The following NCDN variants were observed in gnomAD, a reference collection of about 807,000 sequenced individuals.
The protein encoded by NCDN is norbin.
NCDN carries 9 observed loss-of-function variants against 60.7 expected under a neutral mutation model. The ratio of observed to expected loss-of-function variants is 0.15; its 90% confidence interval spans 0.09 to 0.26. The LOEUF is 0.26. NCDN is among the 10% of genes least tolerant of loss of function. The pLI is 1.00. For synonymous variants in NCDN, 409 were observed against 442.5 expected, an observed-to-expected ratio of 0.92 and a Z score of 0.95; for missense variants, 578 against 975.2, an observed-to-expected ratio of 0.59 and a Z score of 5.42.
In NCDN at chr1:35,565,255, G is replaced by C. The variant is rs1035520143; in HGVS notation, c.1782G>C (p.Gly594=). 1 of 1,612,140 alleles carries C rather than the reference G, an allele frequency of 6.2e-7. No individual in the cohort carries two copies. Among genetic ancestry groups the C allele is most frequent in the South Asian group, 1.1e-5 (1 of 90,940 alleles). Residue 594 remains glycine (G), a synonymous_variant, in exon 7 of 7, where the codon GGG becomes GGC. Coordinates refer to ENST00000373243, the MANE Select transcript of NCDN (RefSeq NM_014284.3). This position sits in a 1 kb window ranked among gnomAD's most constrained non-coding sequence, Gnocchi z 8.9. The part of the protein sequence containing the change: ...PALQGTPASR[G]FFAAAILFLS... ...TTCAGGGAACACCAGCATCCCGAGG[G>C]TTCTTCGCAGCTGCCATCCTCTTCC...
Position 35,561,151 on chromosome 1 carries a change from G to T in NCDN, c.1000G>T (p.Val334Leu), listed in dbSNP as rs781409276. 6.2e-7 allele frequency: 1 copy of T among 1,609,572 alleles called. No homozygotes were observed. The highest frequency in any genetic ancestry group is 1.1e-5 in the South Asian group (1 of 90,410). ...ETGTEVKEDV[V>L]TACYALMELG... ...GGGCACGGAGGTGAAAGAGGATGTGGTGACCGCCTGCTATGCCCTCATGGA... is the reference window on the plus strand; with the variant it reads ...GGGCACGGAGGTGAAAGAGGATGTGTTGACCGCCTGCTATGCCCTCATGGA... The change falls in exon 3 of 7, where the codon GTG (valine) becomes TTG (leucine). Residue 334 changes from valine to leucine, a missense_variant. Coordinates refer to ENST00000373243, the MANE Select transcript of NCDN (RefSeq NM_014284.3). The surrounding 1 kb of genome is among the most constrained non-coding windows in gnomAD (Gnocchi z 4.9).
At position 35,560,383 on chromosome 1, in the gene NCDN, G is replaced by A. The variant is rs750269785; in HGVS notation, c.232G>A (p.Asp78Asn). 2.2e-5 allele frequency: 35 copies of A among 1,614,042 alleles called. No homozygotes were observed. Among genetic ancestry groups the A allele is most frequent in the Non-Finnish European group, 2.9e-5 (34 of 1,180,042 alleles). ...TGCCAAAACTCGGCGGCGGATCTTC[G>A]ATGCTGTCGGCTTCACCTTCCCCAA... is the stretch of plus-strand genomic sequence containing the variant. Reference protein sequence around the residue: ...IDAKTRRRIFDAVGFTFPNRL... With the variant: ...IDAKTRRRIFNAVGFTFPNRL... The change falls in exon 3 of 7, where the codon GAT becomes AAT. Residue 78 changes from aspartate to asparagine, a missense_variant. By Grantham distance (23) the Asp-to-Asn change is conservative (BLOSUM62 1). Coordinates refer to ENST00000373243, the MANE Select transcript of NCDN (RefSeq NM_014284.3). This position sits in a 1 kb window ranked among gnomAD's most constrained non-coding sequence, Gnocchi z 7.6.
chr1:35,561,400 T>C lies in NCDN; in HGVS notation c.1143+106T>C. The C allele has an allele frequency of 7.0e-7, 1 of 1,432,666 alleles. No individual in the cohort carries two copies. Among genetic ancestry groups the C allele is most frequent in the Non-Finnish European group, 9.2e-7 (1 of 1,085,490 alleles). 88.7% of individuals were successfully genotyped at this position (1,432,666 alleles called of 1,614,324 possible). On this transcript the variant is annotated intron_variant, in intron 3 of 6. Coordinates refer to ENST00000373243, the MANE Select transcript of NCDN (RefSeq NM_014284.3). This position sits in a 1 kb window ranked among gnomAD's most constrained non-coding sequence, Gnocchi z 4.9. The stretch of plus-strand genomic sequence containing the variant: ...AATGGGGAGACAGCGAAGCTGCATG[T>C]CCACACAAGCTGATACTGTAGCCAG...
intron 1 of NCDN, 43 bp from the exon 2 acceptor site, chr1:35,559,064 C>A: frequency 7.4e-7 from 1 of 1,357,760 alleles, no homozygotes; most frequent in Non-Finnish European, 1.0e-6. Context: ...CCACCCCCGT[C>A]CCTCCTCTGC....
rs1403753226 is a variant in NCDN at position 35,563,745 on chromosome 1, C to G, written c.1611-22C>G. 6.2e-6 allele frequency: 10 copies of G among 1,612,298 alleles called. No homozygotes were observed. Among genetic ancestry groups the G allele is most frequent in the Non-Finnish European group, 8.5e-6 (10 of 1,179,088 alleles). On this transcript the variant is annotated intron_variant, in intron 5 of 6. Coordinates refer to ENST00000373243, the MANE Select transcript of NCDN (RefSeq NM_014284.3). The surrounding 1 kb of genome is among the most constrained non-coding windows in gnomAD (Gnocchi z 6.6). ...GTACTAGACCCCCACCTACCTCCATCCTTCCCCCCTTTCTTTTCCAGGCGT... is the reference window on the plus strand; with the variant it reads ...GTACTAGACCCCCACCTACCTCCATGCTTCCCCCCTTTCTTTTCCAGGCGT...
At chr1:35,564,575 T>C (rs1648810255) in intron 6 of NCDN, among the ~76,000 whole-genome samples, 1 of 151,982 alleles carries the variant, frequency 6.6e-6, no homozygotes. Flanking sequence ...TTTTGAGGGG[T>C]TCCCAGCAGG....
In NCDN at chr1:35,562,544, C is replaced by T. The variant is rs1177234410; in HGVS notation, c.1296C>T (p.Ala432=). The change falls in exon 4 of 7, where the codon GCC becomes GCT. Residue 432 remains alanine, a synonymous_variant. Coordinates refer to ENST00000373243, the MANE Select transcript of NCDN (RefSeq NM_014284.3). This position sits in a 1 kb window ranked among gnomAD's most constrained non-coding sequence, Gnocchi z 6.8. ...VRYAKTLYEE[A]EEANDLSQQV... is the part of the protein sequence containing the mutation. The stretch of plus-strand genomic sequence containing the variant: ...ATGCCAAGACCCTCTACGAGGAGGC[C>T]GAGGAGGCCAATGACCTTTCCCAGC... 1.9e-5 allele frequency: 31 copies of T among 1,613,940 alleles called. No individual in the cohort carries two copies. Among genetic ancestry groups the T allele is most frequent in the Middle Eastern group, 1.6e-4 (1 of 6,084 alleles).
chr1:35,566,260 G>C lies in NCDN; in HGVS notation c.*597G>C, dbSNP rs944342116. ...CAACCTGGGGCAGACAGGCCTGGTG[G>C]GGGGTGGGGAAACCTCCTTCCACCT... On this transcript the variant is annotated 3_prime_UTR_variant, in exon 7 of 7. Coordinates refer to ENST00000373243, the MANE Select transcript of NCDN (RefSeq NM_014284.3). The surrounding 1 kb of genome is among the most constrained non-coding windows in gnomAD (Gnocchi z 5.3). 1 of 165,846 alleles carries C rather than the reference G, an allele frequency of 6.0e-6. No homozygotes were observed. The highest frequency in any genetic ancestry group is 2.4e-5 in the African/African-American group (1 of 41,590). The allele number at this position is 165,846 out of a possible 1,614,324, so 10.3% of individuals were successfully genotyped here. A position where few individuals can be genotyped will look rare whatever the true frequency, so the allele number is the denominator to read the frequency against.
In NCDN at chr1:35,566,180, C is replaced by A. The variant is rs1477076279; in HGVS notation, c.*517C>A. ...CAGCAGGCTTAGGCCATTGATATCG[C>A]AGTTCTTCCTATCAGCTTCAGTGAC... On this transcript the variant is annotated 3_prime_UTR_variant, in exon 7 of 7. Coordinates refer to ENST00000373243, the MANE Select transcript of NCDN (RefSeq NM_014284.3). The surrounding 1 kb of genome is among the most constrained non-coding windows in gnomAD (Gnocchi z 5.3). 6.1e-6 allele frequency: 1 copy of A among 165,074 alleles called. No individual in the cohort carries two copies. Among genetic ancestry groups the A allele is most frequent in the Non-Finnish European group, 1.3e-5 (1 of 76,000 alleles). 10.2% of individuals were successfully genotyped at this position (165,074 alleles called of 1,614,324 possible).
chr1:35,563,391 C>T lies in NCDN; in HGVS notation c.1575C>T (p.Phe525=). The T allele has an allele frequency of 6.2e-7, 1 of 1,614,178 alleles. No individual in the cohort carries two copies. The highest frequency in any genetic ancestry group is 8.5e-7 in the Non-Finnish European group (1 of 1,180,018). ...GCCTGCAGACCTGCTGCCACATCTT[C>T]CTCAACCTCGTGGTCACCGCACCGG... is the stretch of plus-strand genomic sequence containing the variant. ...EIGLQTCCHI[F]LNLVVTAPGL... is the part of the protein sequence containing the mutation. Residue 525 remains phenylalanine (F), a synonymous_variant, in exon 5 of 7, where the codon TTC becomes TTT. Coordinates refer to ENST00000373243, the MANE Select transcript of NCDN (RefSeq NM_014284.3). The surrounding 1 kb of genome is among the most constrained non-coding windows in gnomAD (Gnocchi z 6.6).
In NCDN at chr1:35,565,976, T is replaced by G; in HGVS notation, c.*313T>G. On this transcript the variant is annotated 3_prime_UTR_variant, in exon 7 of 7. Transcript: ENST00000373243. This position sits in a 1 kb window ranked among gnomAD's most constrained non-coding sequence, Gnocchi z 8.9. Reference sequence around the variant, plus strand: ...GGTGTCATTGTGCCCGATGTCTGGCTCCCCTGCAGGAGGGAGGCTCCAGGG... The same window carrying G: ...GGTGTCATTGTGCCCGATGTCTGGCGCCCCTGCAGGAGGGAGGCTCCAGGG... The G allele has an allele frequency of 6.2e-6, 2 of 321,580 alleles. No individual in the cohort carries two copies. The highest frequency in any genetic ancestry group is 1.2e-5 in the Non-Finnish European group (2 of 170,978). 19.9% of individuals were successfully genotyped at this position (321,580 alleles called of 1,614,324 possible).
chr1:35,561,860 T>A lies in NCDN; in HGVS notation c.1144-532T>A, dbSNP rs1328123408. ...GACTCTGGTCTCTTTAATGGCCTGC[T>A]CCAGCCACCGAGCTCACCAGCCATA... On this transcript the variant is annotated intron_variant, in intron 3 of 6. Coordinates refer to ENST00000373243, the MANE Select transcript of NCDN (RefSeq NM_014284.3). The surrounding 1 kb of genome is among the most constrained non-coding windows in gnomAD (Gnocchi z 4.9). Among the ~76,000 whole-genome samples, 2 of 151,872 alleles carry A rather than the reference T, an allele frequency of 1.3e-5. No individual in the cohort carries two copies. The highest frequency in any genetic ancestry group is 4.8e-5 in the African/African-American group (2 of 41,298).
rs1195398218 is a variant in NCDN at position 35,562,668 on chromosome 1, A to T, written c.1385+35A>T. ...TAGTTACAGTCTGTCCAGCTAGATC[A>T]TTCTACCGAAAAGCGTTAACACAAG... On this transcript the variant is annotated intron_variant, in intron 4 of 6. Coordinates refer to ENST00000373243, the MANE Select transcript of NCDN (RefSeq NM_014284.3). The surrounding 1 kb of genome is among the most constrained non-coding windows in gnomAD (Gnocchi z 6.8). 6.3e-7 allele frequency: 1 copy of T among 1,587,894 alleles called. No individual in the cohort carries two copies. Among genetic ancestry groups the T allele is most frequent in the African/African-American group, 1.3e-5 (1 of 74,334 alleles).
rs1648837021 is a variant in NCDN, at chr1:35,565,344, C to T, written c.1871C>T (p.Pro624Leu). Reference sequence around the variant, plus strand: ...GACCAGGCAGTGCTAGCCCTGTCCCCTGAGTATGAGGGCATCTGGGCCGAC... The same window carrying T: ...GACCAGGCAGTGCTAGCCCTGTCCCTTGAGTATGAGGGCATCTGGGCCGAC... ...GSDQAVLALSPEYEGIWADLQ... is the reference protein window; with the variant it reads ...GSDQAVLALSLEYEGIWADLQ... The change falls in exon 7 of 7, where the codon CCT becomes CTT. Residue 624 changes from proline (P) to leucine (L), a missense_variant. Pro to Leu is a moderately conservative substitution (Grantham distance 98). Around this residue, in one of 3 missense-constraint regions of NCDN, gnomAD observed 191 missense variants for 372.1 expected, o/e 0.51. Coordinates refer to ENST00000373243, the MANE Select transcript of NCDN (RefSeq NM_014284.3). This position sits in a 1 kb window ranked among gnomAD's most constrained non-coding sequence, Gnocchi z 8.9. The T allele has an allele frequency of 6.2e-7, 1 of 1,614,038 alleles. No homozygotes were observed. The highest frequency in any genetic ancestry group is 1.7e-5 in the Admixed American group (1 of 60,024).
chr1:35,563,980 A>G lies in NCDN; in HGVS notation c.1753+71A>G. 4.7e-6 allele frequency: 7 copies of G among 1,505,216 alleles called. No individual in the cohort carries two copies. Among genetic ancestry groups the G allele is most frequent in the Non-Finnish European group, 6.2e-6 (7 of 1,126,858 alleles). The allele number at this position is 1,505,216 out of a possible 1,614,324, so 93.2% of individuals were successfully genotyped here. ...GGGTGGACCTCCTGTGTTTGGGGCAAAAGTCACCATTTTTAGAAGATGGTT... is the reference window on the plus strand; with the variant it reads ...GGGTGGACCTCCTGTGTTTGGGGCAGAAGTCACCATTTTTAGAAGATGGTT... On this transcript the variant is annotated intron_variant, in intron 6 of 6. Coordinates refer to ENST00000373243, the MANE Select transcript of NCDN (RefSeq NM_014284.3). The surrounding 1 kb of genome is among the most constrained non-coding windows in gnomAD (Gnocchi z 6.6).
At position 35,558,539 on chromosome 1, in the gene NCDN, A is replaced by G. The variant is rs1027848119; in HGVS notation, c.33+316A>G. On this transcript the variant is annotated intron_variant, in intron 1 of 6. Transcript: ENST00000373243. This position sits in a 1 kb window ranked among gnomAD's most constrained non-coding sequence, Gnocchi z 6.3. The stretch of plus-strand genomic sequence containing the variant: ...CCTGGCTGGAGGGGTGGGGTCCCCA[A>G]AGGGGCCTCCAAGCCTTCCCTGTTG... 128 of 1,333,664 alleles carry G rather than the reference A, an allele frequency of 9.6e-5. No homozygotes were observed. Among genetic ancestry groups the G allele is most frequent in the Middle Eastern group, 2.8e-4 (1 of 3,532 alleles). 82.6% of individuals were successfully genotyped at this position (1,333,664 alleles called of 1,614,324 possible).
chr1:35,561,000 G>T lies in NCDN; in HGVS notation c.849G>T (p.Lys283Asn). The change falls in exon 3 of 7, where the codon AAG becomes AAT. Residue 283 changes from lysine (K) to asparagine (N), a missense_variant. Around this residue, in one of 3 missense-constraint regions of NCDN, gnomAD observed 363 missense variants for 583.6 expected, o/e 0.62. Coordinates refer to ENST00000373243, the MANE Select transcript of NCDN (RefSeq NM_014284.3). This position sits in a 1 kb window ranked among gnomAD's most constrained non-coding sequence, Gnocchi z 7.6. Reference protein sequence around the residue: ...LSSWQRNPALKLAARLAHACG... With the variant: ...LSSWQRNPALNLAARLAHACG... ...CCTGGCAGCGCAACCCTGCACTGAA[G>T]CTGGCAGCCCGCCTGGCACACGCCT... 1 of 1,612,576 alleles carries T rather than the reference G, an allele frequency of 6.2e-7. No individual in the cohort carries two copies. The highest frequency in any genetic ancestry group is 8.5e-7 in the Non-Finnish European group (1 of 1,179,204).
rs769276254 is a variant in NCDN, at chr1:35,565,267, T to C, written c.1794T>C (p.Ala598=). The C allele has an allele frequency of 8.7e-6, 14 of 1,613,120 alleles. No homozygotes were observed. In the Admixed American group the frequency reaches 1.5e-4, roughly 17 times the overall value. ...GTPASRGFFA[A]AILFLSQSHV... ...CAGCATCCCGAGGGTTCTTCGCAGC[T>C]GCCATCCTCTTCCTATCACAGTCCC... Residue 598 remains alanine, a synonymous_variant, in exon 7 of 7, where the codon GCT becomes GCC. Transcript: ENST00000373243. The surrounding 1 kb of genome is among the most constrained non-coding windows in gnomAD (Gnocchi z 8.9).
rs1355956067 is a variant in NCDN at position 35,562,978 on chromosome 1, C to A, written c.1386-224C>A. On this transcript the variant is annotated intron_variant, in intron 4 of 6. Coordinates refer to ENST00000373243, the MANE Select transcript of NCDN (RefSeq NM_014284.3). This position sits in a 1 kb window ranked among gnomAD's most constrained non-coding sequence, Gnocchi z 6.8. ...CATATGAAAGATTAGGAAACTGAGG[C>A]TCATAGAGATTAAAGTCACTTGCCC... Among the ~76,000 whole-genome samples the A allele has an allele frequency of 6.6e-6, 1 of 152,216 alleles. No individual in the cohort carries two copies. The highest frequency in any genetic ancestry group is 1.5e-5 in the Non-Finnish European group (1 of 68,046).
Sources: allele counts gnomAD v4.1 joint callset (sites outside exome capture counted in the v4.1 genomes callset), GRCh38; gene constraint gnomAD v4.1.1; regional missense constraint gnomAD v4.1.1; non-coding constraint Gnocchi (gnomAD v3.1); transcripts MANE v1.5; gene names NCBI Gene and HGNC (gene_info 2026-07-23, HGNC 2026-07-21).